The following ZBTB7C variants were observed in gnomAD, a reference collection of about 807,000 sequenced individuals.
ZBTB7C encodes the protein zinc finger and BTB domain containing 7C.
Under a neutral mutation model 25.7 loss-of-function variants are expected in ZBTB7C, and 8 were observed. The observed-to-expected ratio is 0.31, with a 90% confidence interval of 0.18 to 0.56. ZBTB7C has a LOEUF of 0.56. ZBTB7C is among the 20% of genes least tolerant of loss of function. The pLI, the probability that ZBTB7C is intolerant of heterozygous loss-of-function variation, is 0.91. For missense variants in ZBTB7C, 824 were observed against 855.2 expected (o/e 0.96, Z 0.46); for synonymous variants, 394 against 369.0 (o/e 1.07, Z -0.78).
chr18:48,075,139 TC>T (rs1184261028), intron 3 of ZBTB7C, among the ~76,000 whole-genome samples: 2 of 152,084 alleles, frequency 1.3e-5, no homozygotes, highest in Admixed American at 1.3e-4. Context: ...CAACTCTGCC[TC>T]CCCCACCCAC....
chr18:48,161,493 C>A (rs1176730056), intron 3 of ZBTB7C, among the ~76,000 whole-genome samples: 1 of 152,088 alleles, frequency 6.6e-6, no homozygotes, highest in Non-Finnish European at 1.5e-5. Context: ...CACCCCAGTT[C>A]GCCGGGCCCA....
intron 3 of ZBTB7C, among the ~76,000 whole-genome samples, chr18:48,153,572 G>A (rs2040743713): frequency 1.3e-5 from 2 of 152,294 alleles, no homozygotes; most frequent in South Asian, 4.1e-4. Context: ...AAGAAAACAT[G>A]GATGAAACAT....
chr18:48,398,089 C>T (rs552818456), intron 1 of ZBTB7C, among the ~76,000 whole-genome samples: 1 of 152,348 alleles, frequency 6.6e-6, no homozygotes, highest in South Asian at 2.1e-4. Flanking sequence ...GCATCCTGAG[C>T]CCCTGAAAGG....
intron 3 of ZBTB7C, among the ~76,000 whole-genome samples, chr18:48,057,385 T>C (rs1598796671): frequency 1.3e-5 from 2 of 152,198 alleles, no homozygotes; most frequent in Admixed American, 6.5e-5. Flanking sequence ...TGGAGTACTA[T>C]GCAGCCATTA....
chr18:48,261,402 T>C (rs2044166633), intron 2 of ZBTB7C, among the ~76,000 whole-genome samples: 1 of 152,160 alleles, frequency 6.6e-6, no homozygotes, highest in African/African-American at 2.4e-5. Flanking sequence ...TATTTCCAAG[T>C]TAAGAGACTG....
In ZBTB7C at chr18:48,316,253, T is replaced by C. The variant is rs190223803; in HGVS notation, c.-79+21921A>G. ...TTTTAGTTTTTGTTTTAAAGGACTT[T>C]GAAAAGAACAATCCTTCCATGTATG... On this transcript the variant is annotated intron_variant, in intron 2 of 4. Coordinates refer to ENST00000590800, the MANE Select transcript of ZBTB7C (RefSeq NM_001318841.2). Among the ~76,000 whole-genome samples, 320 of 152,334 alleles carry C rather than the reference T, an allele frequency of 2.1e-3. 15 individuals carry two copies. Among genetic ancestry groups the C allele is most frequent in the Non-Finnish European group, 1.1e-3 (76 of 68,032 alleles).
intron 2 of ZBTB7C, among the ~76,000 whole-genome samples, chr18:48,243,688 T>C (rs1454450010): frequency 6.6e-6 from 1 of 152,148 alleles, no homozygotes; most frequent in African/African-American, 2.4e-5. Context: ...AAAATTCATA[T>C]GGAACTAAAA....
chr18:48,200,634 C>T (rs1180882839), intron 2 of ZBTB7C, among the ~76,000 whole-genome samples: 2 of 152,180 alleles, frequency 1.3e-5, no homozygotes, highest in East Asian at 3.9e-4. Context: ...TGCCCGTCAA[C>T]AGGAAATGGG....
intron 1 of ZBTB7C, among the ~76,000 whole-genome samples, chr18:48,350,097 GGA>G (rs1481522181): frequency 1.3e-5 from 2 of 152,158 alleles, no homozygotes; most frequent in Non-Finnish European, 2.9e-5. Flanking sequence ...TGTTTTGAGT[GGA>G]ATATTAGCTT....
intron 3 of ZBTB7C, among the ~76,000 whole-genome samples, chr18:48,121,561 T>C (rs144333600): frequency 6.6e-6 from 1 of 152,322 alleles, no homozygotes; most frequent in African/African-American, 2.4e-5. Flanking sequence ...CATTGGTACA[T>C]ACCTGCAGTA....
chr18:48,066,227 C>T (rs8093824), intron 3 of ZBTB7C, among the ~76,000 whole-genome samples: 1 of 152,210 alleles, frequency 6.6e-6, no homozygotes, highest in Non-Finnish European at 1.5e-5. Flanking sequence ...GGCTCTGTCT[C>T]TAGAGCCCCT....
intron 3 of ZBTB7C, among the ~76,000 whole-genome samples, chr18:48,158,014 C>CT (rs2144929827): frequency 6.6e-6 from 1 of 152,188 alleles, no homozygotes; most frequent in African/African-American, 2.4e-5. Context: ...CCTAGATGCC[C>CT]TGGGGACCAT....
At chr18:48,237,266 A>G (rs8095615) in intron 2 of ZBTB7C, among the ~76,000 whole-genome samples, 150,680 of 152,260 alleles carry the variant, frequency 0.99, 74,578 homozygotes, top group Middle Eastern at 1. Flanking sequence ...ACAGGAAATG[A>G]TGCAAAGAGC....
intron 3 of ZBTB7C, 127 bp from the exon 4 acceptor site, chr18:48,041,250 A>G: frequency 7.0e-7 from 1 of 1,423,156 alleles, no homozygotes. Flanking sequence ...CAGTCCTCCT[A>G]CCTCTTAGCC....
chr18:48,192,321 T>C (rs2042216685), intron 2 of ZBTB7C, among the ~76,000 whole-genome samples: 2 of 152,184 alleles, frequency 1.3e-5, no homozygotes, highest in South Asian at 2.1e-4. Flanking sequence ...AAGGGATCAA[T>C]AGACAGAGTA....
At chr18:48,295,775 G>A (rs2045369503) in intron 2 of ZBTB7C, among the ~76,000 whole-genome samples, 2 of 152,120 alleles carry the variant, frequency 1.3e-5, no homozygotes, top group Non-Finnish European at 2.9e-5. Context: ...AGCTGAAAGA[G>A]CCCCTCACTG....
intron 1 of ZBTB7C, among the ~76,000 whole-genome samples, chr18:48,348,486 G>A (rs1045706075): frequency 1.3e-5 from 2 of 152,202 alleles, no homozygotes; most frequent in African/African-American, 2.4e-5. Flanking sequence ...CTGCCTGACT[G>A]TTTTGTTCCA....
chr18:48,372,793 G>A (rs1481295992), intron 1 of ZBTB7C, among the ~76,000 whole-genome samples: 2 of 152,086 alleles, frequency 1.3e-5, no homozygotes, highest in Admixed American at 6.5e-5. Context: ...TGCAGGTCCT[G>A]GAGGCACCAT....
At chr18:48,403,112 G>A (rs1378588613) in intron 1 of ZBTB7C, among the ~76,000 whole-genome samples, 1 of 152,170 alleles carries the variant, frequency 6.6e-6, no homozygotes, top group East Asian at 1.9e-4. Context: ...AATGAATGAA[G>A]CGGGTGGAAA....
Sources: allele counts gnomAD v4.1 joint callset (sites outside exome capture counted in the v4.1 genomes callset), GRCh38; gene constraint gnomAD v4.1.1; transcripts MANE v1.5; gene names NCBI Gene and HGNC (gene_info 2026-07-23, HGNC 2026-07-21).